KIF16B: variants seen among roughly 807,000 people sequenced by gnomAD.
The protein encoded by KIF16B is kinesin family member 16B, also known as kinesin-like protein KIF16B.
Under a neutral mutation model 156.3 loss-of-function variants are expected in KIF16B, and 98 were observed. The ratio of observed to expected loss-of-function variants is 0.63; its 90% confidence interval spans 0.53 to 0.74. The LOEUF (loss-of-function observed/expected upper bound fraction) is 0.74, where lower values mean the gene tolerates loss of function less well. Among genes scored for constraint, KIF16B ranks in the 30% least tolerant of loss-of-function variants. KIF16B has a pLI of 0.00. For synonymous variants in KIF16B, 564 were observed against 583.7 expected, an observed-to-expected ratio of 0.97 and a Z score of 0.49; for missense variants, 1,421 against 1,606.5, an observed-to-expected ratio of 0.88 and a Z score of 1.97.
At chr20:16,347,925 AG>A (rs764538077) in intron 23 of KIF16B, among the ~76,000 whole-genome samples, 14 of 152,344 alleles carry the variant, frequency 9.2e-5, no homozygotes, top group Admixed American at 7.2e-4. Context: ...TTTATCTAAT[AG>A]ACTGGAATGG....
chr20:16,501,023 A>G (rs1168008641), intron 10 of KIF16B, among the ~76,000 whole-genome samples: 1 of 152,186 alleles, frequency 6.6e-6, no homozygotes, highest in Non-Finnish European at 1.5e-5. Flanking sequence ...GAAATAGCTG[A>G]AAATACATTT....
intron 23 of KIF16B, among the ~76,000 whole-genome samples, chr20:16,339,769 C>G (rs1321877155): frequency 1.3e-5 from 2 of 152,154 alleles, no homozygotes; most frequent in Non-Finnish European, 2.9e-5. Flanking sequence ...CGGTGAATCC[C>G]TTCTTGCCAA....
chr20:16,438,919 A>C (rs1305783095), intron 12 of KIF16B, among the ~76,000 whole-genome samples: 1 of 152,204 alleles, frequency 6.6e-6, no homozygotes, highest in Non-Finnish European at 1.5e-5. Flanking sequence ...TATGAATCAC[A>C]ATCAGATTTA....
At chr20:16,421,922 G>C (rs932288924) in intron 15 of KIF16B, among the ~76,000 whole-genome samples, 2 of 152,108 alleles carry the variant, frequency 1.3e-5, no homozygotes, top group African/African-American at 4.8e-5. Flanking sequence ...CGCAGGGAAA[G>C]ACAATTCCGA....
intron 24 of KIF16B, among the ~76,000 whole-genome samples, chr20:16,317,008 T>C (rs1320072545): frequency 1.3e-5 from 2 of 152,234 alleles, no homozygotes; most frequent in Non-Finnish European, 2.9e-5. Flanking sequence ...AGAGAAGATG[T>C]GATTCTGAAT....
At chr20:16,556,131 C>A (rs2070839125) in intron 1 of KIF16B, among the ~76,000 whole-genome samples, 1 of 152,154 alleles carries the variant, frequency 6.6e-6, no homozygotes, top group Admixed American at 6.5e-5. Flanking sequence ...AGAGGTGGTC[C>A]AGTACCAACA....
intron 25 of KIF16B, among the ~76,000 whole-genome samples, chr20:16,290,737 A>G (rs955607243): frequency 2.0e-5 from 3 of 152,122 alleles, no homozygotes; most frequent in African/African-American, 7.2e-5. Context: ...CACCCCATGA[A>G]GAAGATTAGC....
chr20:16,543,070 CCAA>C lies in KIF16B; in HGVS notation c.48-14633_48-14631del, dbSNP rs1405354992. On this transcript the variant is annotated intron_variant, in intron 1 of 25. Coordinates refer to ENST00000354981, the MANE Select transcript of KIF16B (RefSeq NM_024704.5). Reference sequence around the variant, plus strand: ...TCTGAGGAGCCCAAACCCGGACCTACCAAGTAAGAATCTCCAGGACACTGTATT... The same window carrying C: ...TCTGAGGAGCCCAAACCCGGACCTACGTAAGAATCTCCAGGACACTGTATT... Among the ~76,000 whole-genome samples the C allele has an allele frequency of 2.0e-5, 3 of 152,150 alleles. No homozygotes were observed. In the East Asian group the frequency reaches 5.8e-4, roughly 29 times the overall value.
At chr20:16,479,925 A>T (rs1034344866) in intron 12 of KIF16B, among the ~76,000 whole-genome samples, 2 of 152,210 alleles carry the variant, frequency 1.3e-5, no homozygotes, top group Admixed American at 6.5e-5. Context: ...CATGTGGATA[A>T]AGTTCAAAGC....
At chr20:16,538,356 C>T (rs541434225) in intron 1 of KIF16B, among the ~76,000 whole-genome samples, 1 of 152,176 alleles carries the variant, frequency 6.6e-6, no homozygotes, top group Non-Finnish European at 1.5e-5. Flanking sequence ...TCCTGACATT[C>T]TTCTTATATT....
At chr20:16,453,211 A>T (rs1251016453) in intron 12 of KIF16B, among the ~76,000 whole-genome samples, 6 of 152,122 alleles carry the variant, frequency 3.9e-5, no homozygotes, top group Non-Finnish European at 8.8e-5. Context: ...TCAAGGCTGC[A>T]GTGAGCTATG....
chr20:16,302,601 C>T (rs140678559), intron 25 of KIF16B, among the ~76,000 whole-genome samples: 2 of 152,156 alleles, frequency 1.3e-5, no homozygotes, highest in African/African-American at 2.4e-5. Context: ...TTGCAAAGAA[C>T]TGACATCCTA....
chr20:16,288,454 G>C (rs113849009), intron 25 of KIF16B, among the ~76,000 whole-genome samples: 3 of 149,852 alleles, frequency 2.0e-5, no homozygotes, highest in Non-Finnish European at 4.5e-5. Context: ...ATAAGTGGAA[G>C]AGCATCTGTA....
intron 23 of KIF16B, among the ~76,000 whole-genome samples, chr20:16,351,910 T>C (rs1285688615): frequency 6.6e-6 from 1 of 152,180 alleles, no homozygotes; most frequent in East Asian, 1.9e-4. Flanking sequence ...TTGTGACATA[T>C]CCATACAGTG....
At chr20:16,346,068 G>C (rs1456333514) in intron 23 of KIF16B, among the ~76,000 whole-genome samples, 4 of 152,208 alleles carry the variant, frequency 2.6e-5, no homozygotes, top group African/African-American at 9.7e-5. Flanking sequence ...TTGCCATCTG[G>C]ACCATGTCCG....
At chr20:16,357,821 T>A (rs942088544) in intron 22 of KIF16B, among the ~76,000 whole-genome samples, 2 of 152,220 alleles carry the variant, frequency 1.3e-5, no homozygotes, top group African/African-American at 4.8e-5. Context: ...TTTCTCTGCA[T>A]GGCTAGTCAC....
chr20:16,545,930 T>G (rs958645684), intron 1 of KIF16B, among the ~76,000 whole-genome samples: 9 of 151,706 alleles, frequency 5.9e-5, no homozygotes, highest in African/African-American at 1.2e-4. Flanking sequence ...AATTTTGGCC[T>G]ATAAAATGGA....
At chr20:16,348,587 G>A (rs545916653) in intron 23 of KIF16B, among the ~76,000 whole-genome samples, 2 of 152,322 alleles carry the variant, frequency 1.3e-5, no homozygotes, top group East Asian at 3.9e-4. Flanking sequence ...GATGTTCAGC[G>A]AGAGCAGGAG....
chr20:16,366,647 C>T lies in KIF16B; in HGVS notation c.3498+3939G>A, dbSNP rs376405954. 1.2e-4 allele frequency among the ~76,000 whole-genome samples: 18 copies of T among 152,268 alleles called. No individual in the cohort carries two copies. The East Asian group carries it at 1.7e-3, about 15-fold the overall frequency. On this transcript the variant is annotated intron_variant, in intron 22 of 25. Coordinates refer to ENST00000354981, the MANE Select transcript of KIF16B (RefSeq NM_024704.5). ...GTGATGGGAGGACACTTTCAATCCC[C>T]GGGTCCTCATAGGAAGCTTGATGCA...
Sources: gnomAD v4.1 joint callset for allele counts (sites outside exome capture counted in the v4.1 genomes callset) on GRCh38, gnomAD v4.1.1 for gene constraint, MANE v1.5 for transcripts, NCBI Gene and HGNC (gene_info 2026-07-23, HGNC 2026-07-21) for gene names.